Variants in KCNK15 observed in about 807,000 individuals in gnomAD.
KCNK15 encodes the protein potassium channel subfamily K member 15.
A neutral mutation model predicts 8.5 loss-of-function variants in KCNK15; 9 were observed. The observed-to-expected ratio is 1.06, with a 90% CI of 0.64 to 1.85. The LOEUF is 1.85. Ranked by LOEUF, KCNK15 falls within the 40% of genes most tolerant of loss-of-function variation. The pLI, the probability that KCNK15 is intolerant of heterozygous loss-of-function variation, is 0.00. For synonymous variants in KCNK15, 224 were observed against 232.7 expected, an observed-to-expected ratio of 0.96 and a Z score of 0.34; for missense variants, 467 against 476.8, an observed-to-expected ratio of 0.98 and a Z score of 0.19.
rs1258078093 is a variant in KCNK15 at position 44,751,047 on chromosome 20, G to C, written c.*209G>C. 2.5e-6 allele frequency: 1 copy of C among 395,894 alleles called. No homozygotes were observed. 24.5% of individuals were successfully genotyped at this position (395,894 alleles called of 1,614,324 possible). A position where few individuals can be genotyped will look rare whatever the true frequency, so the allele number is the denominator to read the frequency against. Reference sequence around the variant, plus strand: ...CCATAAGCACAAACCAGGCTCCAGGGTCACCCTGTAGGAGCAAATTCCTTG... The same window carrying C: ...CCATAAGCACAAACCAGGCTCCAGGCTCACCCTGTAGGAGCAAATTCCTTG... On this transcript the variant is annotated 3_prime_UTR_variant, in exon 2 of 2. Transcript: ENST00000372861.
chr20:44,750,189 T>C lies in KCNK15; in HGVS notation c.344T>C (p.Leu115Pro). Residue 115 changes from leucine (L) to proline (P), a missense_variant, in exon 2 of 2, where the codon CTC (leucine) becomes CCC (proline). Around this residue, in one of 2 missense-constraint regions of KCNK15, gnomAD observed 455 missense variants for 441.2 expected, o/e 1.03. Coordinates refer to ENST00000372861, the MANE Select transcript of KCNK15 (RefSeq NM_022358.4). ...SGKVFCMFYA[L>P]LGIPLTLVTF... ...AAGGTCTTCTGCATGTTCTACGCGC[T>C]CCTGGGCATCCCGCTGACGCTGGTC... 1 of 1,612,934 alleles carries C rather than the reference T, an allele frequency of 6.2e-7. No individual in the cohort carries two copies. The highest frequency in any genetic ancestry group is 8.5e-7 in the Non-Finnish European group (1 of 1,179,800).
Position 44,745,994 on chromosome 20 carries a change from G to A in KCNK15, c.84G>A (p.Ala28=). The A allele has an allele frequency of 1.3e-6, 2 of 1,523,822 alleles. No individual in the cohort carries two copies. The highest frequency in any genetic ancestry group is 2.6e-5 in the East Asian group (1 of 38,548). The allele number at this position is 1,523,822 out of a possible 1,614,324, so 94.4% of individuals were successfully genotyped here. The change falls in exon 1 of 2, where the codon GCG becomes GCA. Residue 28 remains alanine (A), a synonymous_variant. Coordinates refer to ENST00000372861, the MANE Select transcript of KCNK15 (RefSeq NM_022358.4). ...YLLVGAAVFD[A]LESEAESGRQ... is the part of the protein sequence containing the mutation. ...TGGTGGGCGCTGCTGTCTTCGACGC[G>A]CTCGAGTCCGAGGCGGAAAGCGGCC...
In KCNK15 at chr20:44,750,131, T is replaced by C; in HGVS notation, c.286T>C (p.Tyr96His). 1 of 1,604,842 alleles carries C rather than the reference T, an allele frequency of 6.2e-7. No homozygotes were observed. The highest frequency in any genetic ancestry group is 8.5e-7 in the Non-Finnish European group (1 of 1,177,642). ...FAITVITTIEYGHAAPGTDSG... is the reference protein window; with the variant it reads ...FAITVITTIEHGHAAPGTDSG... ...TCCCCTCCGCTCTCCCTGCATAGAGTACGGCCACGCCGCGCCGGGTACGGA... is the reference window on the plus strand; with the variant it reads ...TCCCCTCCGCTCTCCCTGCATAGAGCACGGCCACGCCGCGCCGGGTACGGA... The change falls in exon 2 of 2, where the codon TAC becomes CAC. Residue 96 changes from tyrosine (Y) to histidine (H), a missense_variant and splice_region_variant. Tyr to His is a moderately conservative substitution (Grantham distance 83, BLOSUM62 2). Coordinates refer to ENST00000372861, the MANE Select transcript of KCNK15 (RefSeq NM_022358.4).
At position 44,750,624 on chromosome 20, in the gene KCNK15, C is replaced by A. The variant is rs190116287; in HGVS notation, c.779C>A (p.Thr260Asn). Reference protein sequence around the residue: ...SADWPERAARTPSPRPPGAPE... With the variant: ...SADWPERAARNPSPRPPGAPE... The stretch of plus-strand genomic sequence containing the variant: ...GACTGGCCCGAGCGCGCTGCCCGCA[C>A]CCCCAGCCCGCGCCCCCCGGGGGCG... Residue 260 changes from threonine (T) to asparagine (N), a missense_variant, in exon 2 of 2, where the codon ACC (threonine) becomes AAC (asparagine). Physicochemically the swap from Thr to Asn is moderately conservative, Grantham distance 65. This residue lies in a region of KCNK15 where 455 missense variants were observed against 441.2 expected (regional missense o/e 1.03). Coordinates refer to ENST00000372861, the MANE Select transcript of KCNK15 (RefSeq NM_022358.4). 60 of 1,590,826 alleles carry A rather than the reference C, an allele frequency of 3.8e-5. No homozygotes were observed. Among genetic ancestry groups the A allele is most frequent in the Admixed American group, 2.9e-4 (17 of 59,286 alleles).
In KCNK15 at chr20:44,751,484, A is replaced by G. The variant is rs1691147765; in HGVS notation, c.*646A>G. ...AGGGAGGCCTTGCTGTCACCCACCC[A>G]CCATGTCACTGGGGCCACTTGGACA... On this transcript the variant is annotated 3_prime_UTR_variant, in exon 2 of 2. Coordinates refer to ENST00000372861, the MANE Select transcript of KCNK15 (RefSeq NM_022358.4). 1 of 152,112 alleles carries G rather than the reference A, an allele frequency of 6.6e-6. No individual in the cohort carries two copies. The highest frequency in any genetic ancestry group is 2.4e-5 in the African/African-American group (1 of 41,392). 9.4% of individuals were successfully genotyped at this position (152,112 alleles called of 1,614,324 possible). A position where few individuals can be genotyped will look rare whatever the true frequency, so the allele number is the denominator to read the frequency against.
At position 44,750,915 on chromosome 20, in the gene KCNK15, T is replaced by A; in HGVS notation, c.*77T>A. The A allele has an allele frequency of 9.7e-7, 1 of 1,030,154 alleles. No individual in the cohort carries two copies. Among genetic ancestry groups the A allele is most frequent in the Non-Finnish European group, 1.3e-6 (1 of 775,854 alleles). The allele number at this position is 1,030,154 out of a possible 1,614,324, so 63.8% of individuals were successfully genotyped here. Reference sequence around the variant, plus strand: ...CTATCAGGGCACCCTCCCCAGGGATTGGAAACGGATGACGGGCCTCTAGGC... The same window carrying A: ...CTATCAGGGCACCCTCCCCAGGGATAGGAAACGGATGACGGGCCTCTAGGC... On this transcript the variant is annotated 3_prime_UTR_variant, in exon 2 of 2. Coordinates refer to ENST00000372861, the MANE Select transcript of KCNK15 (RefSeq NM_022358.4).
At chr20:44,746,372 C>T (rs751623876) in intron 1 of KCNK15, among the ~76,000 whole-genome samples, 179 bp downstream of exon 1, 1 of 152,236 alleles carries the variant, frequency 6.6e-6, no homozygotes, top group Non-Finnish European at 1.5e-5. Flanking sequence ...CCTTTGCCCC[C>T]CTCTGCTGAA....
At chr20:44,749,838 T>G (rs954365746) in intron 1 of KCNK15, among the ~76,000 whole-genome samples, 2 of 152,202 alleles carry the variant, frequency 1.3e-5, no homozygotes, top group African/African-American at 4.8e-5. Flanking sequence ...TCTACTCAGC[T>G]TAGACATTTG....
chr20:44,747,719 G>A (rs779700851), intron 1 of KCNK15, among the ~76,000 whole-genome samples: 12 of 152,270 alleles, frequency 7.9e-5, no homozygotes, highest in Non-Finnish European at 1.5e-4. Flanking sequence ...CTGTGGTCTA[G>A]TCCGCTGAAG....
intron 1 of KCNK15, among the ~76,000 whole-genome samples, chr20:44,749,024 A>G (rs931553261): frequency 2.0e-5 from 3 of 152,182 alleles, no homozygotes; most frequent in African/African-American, 4.8e-5. Context: ...GGACACTTAC[A>G]TTGTTTCTCA....
In KCNK15 at chr20:44,750,538, G is replaced by A. The variant is rs201461934; in HGVS notation, c.693G>A (p.Gly231=). The A allele has an allele frequency of 1.2e-6, 2 of 1,613,342 alleles. No homozygotes were observed. The highest frequency in any genetic ancestry group is 2.2e-5 in the East Asian group (1 of 44,858). ...TCAGCTTCCTCTACATCCTCCTGGG[G>A]CTCACGGTCATTGGCGCCTTCCTCA... ...VAFSFLYILL[G]LTVIGAFLNL... The change falls in exon 2 of 2, where the codon GGG becomes GGA. Residue 231 remains glycine, a synonymous_variant. Transcript: ENST00000372861.
At position 44,750,699 on chromosome 20, in the gene KCNK15, G is replaced by T; in HGVS notation, c.854G>T (p.Gly285Val). 1.3e-6 allele frequency: 2 copies of T among 1,503,038 alleles called. No homozygotes were observed. Among genetic ancestry groups the T allele is most frequent in the South Asian group, 2.5e-5 (2 of 80,586 alleles). 93.1% of individuals were successfully genotyped at this position (1,503,038 alleles called of 1,614,324 possible). A position where few individuals can be genotyped will look rare whatever the true frequency, so the allele number is the denominator to read the frequency against. ...WLPRRPARSVGSASVFCHVHK... is the reference protein window; with the variant it reads ...WLPRRPARSVVSASVFCHVHK... ...CCCCGCCGCCCGGCCCGCTCCGTGG[G>T]CTCCGCCTCTGTCTTCTGCCACGTG... The change falls in exon 2 of 2, where the codon GGC (glycine) becomes GTC (valine). Residue 285 changes from glycine (G) to valine (V), a missense_variant. Physicochemically the swap from Gly to Val is moderately radical, Grantham distance 109. Transcript: ENST00000372861.
chr20:44,747,547 C>T (rs568847257), intron 1 of KCNK15, among the ~76,000 whole-genome samples: 2 of 152,366 alleles, frequency 1.3e-5, no homozygotes, highest in Admixed American at 6.5e-5. Flanking sequence ...TCAACTTGTT[C>T]TCTCTGCCTT....
intron 1 of KCNK15, among the ~76,000 whole-genome samples, chr20:44,748,646 A>T (rs938459286): frequency 5.3e-5 from 8 of 152,188 alleles, no homozygotes; most frequent in African/African-American, 1.9e-4. Context: ...TATAGACGTT[A>T]TACACACAGT....
chr20:44,746,320 G>A (rs2066007726), intron 1 of KCNK15, 127 bp downstream of exon 1: 4 of 844,110 alleles, frequency 4.7e-6, no homozygotes, highest in South Asian at 5.0e-5. Context: ...TCGGCTCACC[G>A]AGCCTCCCTC....
chr20:44,750,992 C>T lies in KCNK15; in HGVS notation c.*154C>T, dbSNP rs2066029556. ...TTACTGTCTGTGGCTAAGTCCCCTC[C>T]CTCCTTTCCAAAAATATATTACAGT... On this transcript the variant is annotated 3_prime_UTR_variant, in exon 2 of 2. Transcript: ENST00000372861. 2.0e-6 allele frequency: 1 copy of T among 501,390 alleles called. No homozygotes were observed. Among genetic ancestry groups the T allele is most frequent in the Non-Finnish European group, 3.3e-6 (1 of 300,978 alleles). 31.1% of individuals were successfully genotyped at this position (501,390 alleles called of 1,614,324 possible). A position where few individuals can be genotyped will look rare whatever the true frequency, so the allele number is the denominator to read the frequency against.
intron 1 of KCNK15, among the ~76,000 whole-genome samples, chr20:44,748,374 G>GCTCCCAAAAGTAAC (rs1287331197): frequency 1.3e-5 from 2 of 152,170 alleles, no homozygotes; most frequent in African/African-American, 4.8e-5. Flanking sequence ...GAGGCAAAGT[G>GCTCCCAAAAGTAAC]ATAGGGCTAT....
In KCNK15 at chr20:44,750,255, G is replaced by T. The variant is rs1376643287; in HGVS notation, c.410G>T (p.Arg137Leu). ...SLGERLNAVV[R>L]RLLLAAKCCL... ...GGCGAACGGCTGAACGCGGTGGTGCGGCGCCTCCTGTTGGCGGCCAAGTGC... is the reference window on the plus strand; with the variant it reads ...GGCGAACGGCTGAACGCGGTGGTGCTGCGCCTCCTGTTGGCGGCCAAGTGC... Residue 137 changes from arginine to leucine, a missense_variant, in exon 2 of 2, where the codon CGG becomes CTG. By Grantham distance (102) the Arg-to-Leu change is moderately radical (BLOSUM62 -2). Coordinates refer to ENST00000372861, the MANE Select transcript of KCNK15 (RefSeq NM_022358.4). 1.9e-6 allele frequency: 3 copies of T among 1,607,400 alleles called. No homozygotes were observed. Among genetic ancestry groups the T allele is most frequent in the Admixed American group, 1.7e-5 (1 of 59,368 alleles).
Position 44,750,504 on chromosome 20 carries a change from A to T in KCNK15, c.659A>T (p.Tyr220Phe). ...GAGGCGCTGCAGAGGAAGCTCCCCT[A>T]CGTGGCCTTCAGCTTCCTCTACATC... is the stretch of plus-strand genomic sequence containing the variant. ...SGEALQRKLPYVAFSFLYILL... is the reference protein window; with the variant it reads ...SGEALQRKLPFVAFSFLYILL... Residue 220 changes from tyrosine (Y) to phenylalanine (F), a missense_variant, in exon 2 of 2, where the codon TAC becomes TTC. Coordinates refer to ENST00000372861, the MANE Select transcript of KCNK15 (RefSeq NM_022358.4). 6.2e-7 allele frequency: 1 copy of T among 1,613,506 alleles called. No individual in the cohort carries two copies.
Sources: allele counts gnomAD v4.1 joint callset (sites outside exome capture counted in the v4.1 genomes callset), GRCh38; gene constraint gnomAD v4.1.1; regional missense constraint gnomAD v4.1.1; transcripts MANE v1.5; gene names NCBI Gene and HGNC (gene_info 2026-07-23, HGNC 2026-07-21).